Variants in GRM2 observed in about 807,000 individuals in gnomAD.
The protein encoded by GRM2 is glutamate metabotropic receptor 2, also known as metabotropic glutamate receptor 2.
In GRM2, 35 loss-of-function variants were observed where a neutral mutation model predicts 60.4. The ratio of observed to expected loss-of-function variants is 0.58; its 90% CI spans 0.44 to 0.77. GRM2 has a LOEUF of 0.77. Ranked by LOEUF, GRM2 falls within the 30% of genes least tolerant of loss-of-function variation. The pLI, the probability that GRM2 is intolerant of heterozygous loss-of-function variation, is 0.00. For missense variants in GRM2, 925 were observed against 1,199.5 expected (o/e 0.77, Z 3.38); for synonymous variants, 437 against 484.1 (o/e 0.90, Z 1.28).
At position 51,709,051 on chromosome 3, in the gene GRM2, A is replaced by G. The variant is rs973816668; in HGVS notation, c.68A>G (p.Lys23Arg). ...GGTGCTGTGGCTGAGGGCCCAGCCA[A>G]GAAGGTGCTGACCCTGGAGGGAGAC... ...LWGAVAEGPA[K>R]KVLTLEGDLV... The change falls in exon 2 of 6, where the codon AAG becomes AGG. Residue 23 changes from lysine (K) to arginine (R), a missense_variant. Coordinates refer to ENST00000395052, the MANE Select transcript of GRM2 (RefSeq NM_000839.5). 6.2e-7 allele frequency: 1 copy of G among 1,604,102 alleles called. No individual in the cohort carries two copies. The highest frequency in any genetic ancestry group is 8.5e-7 in the Non-Finnish European group (1 of 1,172,334).
At chr3:51,709,574 TAAGA>T (rs1040499395) in intron 2 of GRM2, 141 bp downstream of exon 2, 3 of 616,822 alleles carry the variant, frequency 4.9e-6, no homozygotes, top group African/African-American at 3.7e-5. Flanking sequence ...TTACAGAAGC[TAAGA>T]AAGTGCCCTG....
In GRM2 at chr3:51,713,365, A is replaced by G; in HGVS notation, c.1288+55A>G. ...TGCTGGCTGTCAGAGGATGAGGGGA[A>G]GCAGAACTTCAGCTTCCATTCCTTT... On this transcript the variant is annotated intron_variant, in intron 3 of 5. Coordinates refer to ENST00000395052, the MANE Select transcript of GRM2 (RefSeq NM_000839.5). The surrounding 1 kb of genome is among the most constrained non-coding windows in gnomAD (Gnocchi z 4.8). 1 of 1,204,100 alleles carries G rather than the reference A, an allele frequency of 8.3e-7. No homozygotes were observed. The highest frequency in any genetic ancestry group is 1.2e-6 in the Non-Finnish European group (1 of 844,782). 74.6% of individuals were successfully genotyped at this position (1,204,100 alleles called of 1,614,324 possible). A position where few individuals can be genotyped will look rare whatever the true frequency, so the allele number is the denominator to read the frequency against.
Position 51,717,103 on chromosome 3 carries a change from C to T in GRM2, c.2365-534C>T, listed in dbSNP as rs1217577004. ...CTAAGGACTCACCTGAGACACACAC[C>T]GTACCCACACATGCATGCACACACA... is the stretch of plus-strand genomic sequence containing the variant. On this transcript the variant is annotated intron_variant, in intron 4 of 5. Coordinates refer to ENST00000395052, the MANE Select transcript of GRM2 (RefSeq NM_000839.5). The surrounding 1 kb of genome is among the most constrained non-coding windows in gnomAD (Gnocchi z 6.0). Among the ~76,000 whole-genome samples the T allele has an allele frequency of 2.2e-5, 3 of 136,448 alleles. No homozygotes were observed. Among genetic ancestry groups the T allele is most frequent in the African/African-American group, 8.2e-5 (3 of 36,566 alleles). The allele number at this position is 136,448 out of a possible 152,430, so 89.5% of individuals were successfully genotyped here.
At position 51,712,974 on chromosome 3, in the gene GRM2, G is replaced by C. The variant is rs1336565927; in HGVS notation, c.952G>C (p.Glu318Gln). The change falls in exon 3 of 6, where the codon GAG (glutamate) becomes CAG (glutamine). Residue 318 changes from glutamate to glutamine, a missense_variant. Transcript: ENST00000395052. This position sits in a 1 kb window ranked among gnomAD's most constrained non-coding sequence, Gnocchi z 5.3. ...GGCTGCTGAGGGTGCTATCACCATC[G>C]AGCTGGCCTCCTACCCCATCAGTGA... Reference protein sequence around the residue: ...EGAAEGAITIELASYPISDFA... With the variant: ...EGAAEGAITIQLASYPISDFA... The C allele has an allele frequency of 6.2e-7, 1 of 1,613,228 alleles. No homozygotes were observed. The highest frequency in any genetic ancestry group is 8.5e-7 in the Non-Finnish European group (1 of 1,180,042).
rs1449796911 is a variant in GRM2, at chr3:51,712,745, G to A, written c.723G>A (p.Val241=). 2.5e-6 allele frequency: 4 copies of A among 1,613,538 alleles called. No homozygotes were observed. Among genetic ancestry groups the A allele is most frequent in the Non-Finnish European group, 3.4e-6 (4 of 1,180,030 alleles). The part of the protein sequence containing the change: ...RNICVATSEK[V]GRAMSRAAFE... ...TCTGTGTGGCCACCTCGGAGAAAGT[G>A]GGCCGTGCCATGAGCCGCGCGGCCT... The change falls in exon 3 of 6, where the codon GTG becomes GTA. Residue 241 remains valine (V), a synonymous_variant. Transcript: ENST00000395052. The surrounding 1 kb of genome is among the most constrained non-coding windows in gnomAD (Gnocchi z 5.3).
rs1211160229 is a variant in GRM2 at position 51,716,267 on chromosome 3, G to A, written c.2364+130G>A. ...GCCCACTCAGGGGACCACAGCTTGT[G>A]TGGATCCCAAGGGGAAGGTGGGAGG... On this transcript the variant is annotated intron_variant, in intron 4 of 5. Transcript: ENST00000395052. The surrounding 1 kb of genome is among the most constrained non-coding windows in gnomAD (Gnocchi z 4.0). 3 of 667,232 alleles carry A rather than the reference G, an allele frequency of 4.5e-6. No individual in the cohort carries two copies. The highest frequency in any genetic ancestry group is 2.7e-5 in the Admixed American group (1 of 37,356). The allele number at this position is 667,232 out of a possible 1,614,324, so 41.3% of individuals were successfully genotyped here.
chr3:51,712,427 T>C lies in GRM2; in HGVS notation c.451-46T>C. On this transcript the variant is annotated intron_variant, in intron 2 of 5. Coordinates refer to ENST00000395052, the MANE Select transcript of GRM2 (RefSeq NM_000839.5). This position sits in a 1 kb window ranked among gnomAD's most constrained non-coding sequence, Gnocchi z 5.3. ...CTGTGGGGGATGCACCTGTCTCTAG[T>C]GTTTGATCTGACCGCTGATCTTTGC... The C allele has an allele frequency of 7.9e-7, 1 of 1,269,562 alleles. No homozygotes were observed. The highest frequency in any genetic ancestry group is 2.1e-4 in the Middle Eastern group (1 of 4,698). 78.6% of individuals were successfully genotyped at this position (1,269,562 alleles called of 1,614,324 possible).
rs768679400 is a variant in GRM2 at position 51,715,767 on chromosome 3, G to A, written c.1994G>A (p.Arg665Gln). The A allele has an allele frequency of 8.1e-6, 13 of 1,613,474 alleles. No individual in the cohort carries two copies. The highest frequency in any genetic ancestry group is 1.1e-5 in the Non-Finnish European group (13 of 1,179,658). ...NRIARIFGGA[R>Q]EGAQRPRFIS... ...ATTGCACGCATCTTCGGTGGGGCCC[G>A]GGAGGGTGCCCAGCGGCCACGCTTC... Residue 665 changes from arginine (R) to glutamine (Q), a missense_variant, in exon 4 of 6, where the codon CGG becomes CAG. Arg to Gln is a conservative substitution (Grantham distance 43). Coordinates refer to ENST00000395052, the MANE Select transcript of GRM2 (RefSeq NM_000839.5). This position sits in a 1 kb window ranked among gnomAD's most constrained non-coding sequence, Gnocchi z 9.0.
Position 51,708,857 on chromosome 3 carries a change from C to A in GRM2, c.-127C>A. 1.5e-6 allele frequency: 1 copy of A among 667,446 alleles called. No homozygotes were observed. The highest frequency in any genetic ancestry group is 2.4e-6 in the Non-Finnish European group (1 of 408,600). 41.3% of individuals were successfully genotyped at this position (667,446 alleles called of 1,614,324 possible). On this transcript the variant is annotated 5_prime_UTR_variant, in exon 2 of 6. Transcript: ENST00000395052. The stretch of plus-strand genomic sequence containing the variant: ...TTCTATCTCTCTGCAGGAGCTGGGT[C>A]CCTTCGCATCTCTCTTCTTGTCTGT...
Position 51,709,215 on chromosome 3 carries a change from C to A in GRM2, c.232C>A (p.Leu78Met), listed in dbSNP as rs775595117. 180 of 1,609,950 alleles carry A rather than the reference C, an allele frequency of 1.1e-4. No individual in the cohort carries two copies. The highest frequency in any genetic ancestry group is 1.5e-4 in the Admixed American group (9 of 59,970). Residue 78 changes from leucine to methionine, a missense_variant, in exon 2 of 6, where the codon CTG (leucine) becomes ATG (methionine). Leu to Met is a conservative substitution (Grantham distance 15, BLOSUM62 2). Transcript: ENST00000395052. ...ALDRINRDPH[L>M]LPGVRLGAHI... is the part of the protein sequence containing the mutation. ...GGACCGCATCAACCGTGACCCGCAC[C>A]TGCTGCCTGGCGTGCGCCTGGGTGC... is the stretch of plus-strand genomic sequence containing the variant.
Position 51,718,094 on chromosome 3 carries a change from GACA to G in GRM2, c.2604_2606del (p.Thr869del), listed in dbSNP as rs1289381517. On this transcript the variant is annotated inframe_deletion, in exon 6 of 6. Transcript: ENST00000395052. This position sits in a 1 kb window ranked among gnomAD's most constrained non-coding sequence, Gnocchi z 4.2. ...GCAATGGCCGTGAGGTGGTGGACTC[GACA>G]ACGTCATCGCTTTGAAGACCCCATA... 1.9e-6 allele frequency: 3 copies of G among 1,614,078 alleles called. No homozygotes were observed. The highest frequency in any genetic ancestry group is 2.2e-5 in the South Asian group (2 of 91,084).
In GRM2 at chr3:51,713,516, T is replaced by G; in HGVS notation, c.1288+206T>G. On this transcript the variant is annotated intron_variant, in intron 3 of 5. Transcript: ENST00000395052. This position sits in a 1 kb window ranked among gnomAD's most constrained non-coding sequence, Gnocchi z 4.8. ...TGAGGTTCCACTTTCTTCCAGAGAG[T>G]AGACCTCTGGCCTGGTCCCGCCATT... 1.8e-6 allele frequency: 1 copy of G among 571,380 alleles called. No homozygotes were observed. The highest frequency in any genetic ancestry group is 3.1e-6 in the Non-Finnish European group (1 of 320,510). The allele number at this position is 571,380 out of a possible 1,614,324, so 35.4% of individuals were successfully genotyped here.
At position 51,717,721 on chromosome 3, in the gene GRM2, A is replaced by G. The variant is rs2107127481; in HGVS notation, c.2449A>G (p.Ile817Val). Residue 817 changes from isoleucine (I) to valine (V), a missense_variant, in exon 5 of 6, where the codon ATC becomes GTC. By Grantham distance (29) the Ile-to-Val change is conservative (BLOSUM62 3). Coordinates refer to ENST00000395052, the MANE Select transcript of GRM2 (RefSeq NM_000839.5). The surrounding 1 kb of genome is among the most constrained non-coding windows in gnomAD (Gnocchi z 6.0). ...GCLFAPKLHIILFQPQKNVVS... is the reference protein window; with the variant it reads ...GCLFAPKLHIVLFQPQKNVVS... The stretch of plus-strand genomic sequence containing the variant: ...CCTCTTTGCGCCCAAGCTGCACATC[A>G]TCCTCTTCCAGCCGCAGAAGAACGT... 1.2e-6 allele frequency: 2 copies of G among 1,614,064 alleles called. No homozygotes were observed. The highest frequency in any genetic ancestry group is 1.3e-5 in the African/African-American group (1 of 75,030).
In GRM2 at chr3:51,717,828, T is replaced by G. The variant is rs754601060; in HGVS notation, c.2545+11T>G. ...CCAGCCTTGGCCAAGGTCAGTGTCCTAAGCAGCCCTCTCTGCCTGTTCCCC... is the reference window on the plus strand; with the variant it reads ...CCAGCCTTGGCCAAGGTCAGTGTCCGAAGCAGCCCTCTCTGCCTGTTCCCC... On this transcript the variant is annotated intron_variant, in intron 5 of 5. Coordinates refer to ENST00000395052, the MANE Select transcript of GRM2 (RefSeq NM_000839.5). The surrounding 1 kb of genome is among the most constrained non-coding windows in gnomAD (Gnocchi z 6.0). 4 of 1,611,794 alleles carry G rather than the reference T, an allele frequency of 2.5e-6. No individual in the cohort carries two copies. The African/African-American group carries it at 5.3e-5, about 22-fold the overall frequency.
rs868016600 is a variant in GRM2, at chr3:51,709,807, C to A, written c.450+374C>A. Among the ~76,000 whole-genome samples, 136 of 37,018 alleles carry A rather than the reference C, an allele frequency of 3.7e-3. 1 individual carries two copies. Among genetic ancestry groups the A allele is most frequent in the African/African-American group, 0.011 (131 of 11,932 alleles). The allele number at this position is 37,018 out of a possible 152,430, so 24.3% of individuals were successfully genotyped here. On this transcript the variant is annotated intron_variant, in intron 2 of 5. Coordinates refer to ENST00000395052, the MANE Select transcript of GRM2 (RefSeq NM_000839.5). ...ACACCCACACACACCCCACACCCAC[C>A]CCCACACCCACACACACACCCAGAC...
In GRM2 at chr3:51,713,321, T is replaced by C; in HGVS notation, c.1288+11T>C. 6.4e-7 allele frequency: 1 copy of C among 1,566,750 alleles called. No individual in the cohort carries two copies. The highest frequency in any genetic ancestry group is 1.1e-5 in the South Asian group (1 of 87,558). On this transcript the variant is annotated intron_variant, in intron 3 of 5. Coordinates refer to ENST00000395052, the MANE Select transcript of GRM2 (RefSeq NM_000839.5). This position sits in a 1 kb window ranked among gnomAD's most constrained non-coding sequence, Gnocchi z 4.8. ...ACGTCAAGTTTGATGGTAATGGTGT[T>C]GGCCAGTGTCCATTGGCCTGCTGGC... is the stretch of plus-strand genomic sequence containing the variant.
In GRM2 at chr3:51,713,420, G is replaced by C; in HGVS notation, c.1288+110G>C. On this transcript the variant is annotated intron_variant, in intron 3 of 5. Transcript: ENST00000395052. The surrounding 1 kb of genome is among the most constrained non-coding windows in gnomAD (Gnocchi z 4.8). ...AGGAAACAGTAGAGTGAAAGTAAAG[G>C]ACTCACCTGGGGTGGCGTCAGAGCA... 1 of 796,388 alleles carries C rather than the reference G, an allele frequency of 1.3e-6. No individual in the cohort carries two copies. Among genetic ancestry groups the C allele is most frequent in the Admixed American group, 2.6e-5 (1 of 37,864 alleles). 49.3% of individuals were successfully genotyped at this position (796,388 alleles called of 1,614,324 possible). A position where few individuals can be genotyped will look rare whatever the true frequency, so the allele number is the denominator to read the frequency against.
In GRM2 at chr3:51,715,010, A is replaced by T. The variant is rs1703842557; in HGVS notation, c.1289-52A>T. On this transcript the variant is annotated intron_variant, in intron 3 of 5. Coordinates refer to ENST00000395052, the MANE Select transcript of GRM2 (RefSeq NM_000839.5). The surrounding 1 kb of genome is among the most constrained non-coding windows in gnomAD (Gnocchi z 9.0). ...ATGTTAGGGTGAATGTTGAGGTCAC[A>T]TCAGGGTAACACACTAGTCCAACCT... is the stretch of plus-strand genomic sequence containing the variant. 3 of 1,162,590 alleles carry T rather than the reference A, an allele frequency of 2.6e-6. No individual in the cohort carries two copies. In the South Asian group the frequency reaches 4.4e-5, roughly 17 times the overall value. 72.0% of individuals were successfully genotyped at this position (1,162,590 alleles called of 1,614,324 possible). A position where few individuals can be genotyped will look rare whatever the true frequency, so the allele number is the denominator to read the frequency against.
At position 51,715,966 on chromosome 3, in the gene GRM2, G is replaced by A. The variant is rs746180760; in HGVS notation, c.2193G>A (p.Ser731=). The A allele has an allele frequency of 2.4e-5, 38 of 1,613,988 alleles. No homozygotes were observed. Among genetic ancestry groups the A allele is most frequent in the South Asian group, 5.5e-5 (5 of 91,086 alleles). ...ACCGCGATGCAAGTATGTTGGGCTC[G>A]CTGGCCTACAATGTGCTCCTCATCG... The part of the protein sequence containing the change: ...CNHRDASMLG[S]LAYNVLLIAL... Residue 731 remains serine (S), a synonymous_variant, in exon 4 of 6, where the codon TCG becomes TCA. Coordinates refer to ENST00000395052, the MANE Select transcript of GRM2 (RefSeq NM_000839.5). The surrounding 1 kb of genome is among the most constrained non-coding windows in gnomAD (Gnocchi z 9.0).
Sources: gnomAD v4.1 joint callset for allele counts (sites outside exome capture counted in the v4.1 genomes callset) on GRCh38, gnomAD v4.1.1 for gene constraint, Gnocchi (gnomAD v3.1) non-coding constraint, MANE v1.5 for transcripts, NCBI Gene and HGNC (gene_info 2026-07-23, HGNC 2026-07-21) for gene names.